Variants in LSAMP observed in about 807,000 individuals in gnomAD.
The protein encoded by LSAMP is limbic system associated membrane protein, also known as limbic system-associated membrane protein.
LSAMP carries 7 observed loss-of-function variants against 38.6 expected under a neutral mutation model. The ratio of observed to expected loss-of-function variants is 0.18; its 90% confidence interval spans 0.10 to 0.34. The LOEUF (loss-of-function observed/expected upper bound fraction) is 0.34, where lower values mean the gene tolerates loss of function less well. LSAMP is among the 10% of genes least tolerant of loss of function. The pLI is 1.00. For missense variants in LSAMP, 313 were observed against 420.0 expected (o/e 0.75, Z 2.23); for synonymous variants, 154 against 166.8 (o/e 0.92, Z 0.59).
chr3:116,323,797 C>A (rs80179573), intron 1 of LSAMP, among the ~76,000 whole-genome samples: 3,178 of 152,202 alleles, frequency 0.021, 99 homozygotes, highest in African/African-American at 0.072. Flanking sequence ...TTTCTGAGCA[C>A]AGACACCACT....
rs2046963068 is a variant in LSAMP at position 116,270,900 on chromosome 3, T to C, written c.155+173977A>G. 2.0e-5 allele frequency among the ~76,000 whole-genome samples: 3 copies of C among 152,162 alleles called. No homozygotes were observed. The South Asian group carries it at 6.2e-4, about 31-fold the overall frequency. ...ATGCAGTTCAGGCTGTGTTAGTCAC[T>C]AGCTCTGAGATCTCAACAAAGCTTG... On this transcript the variant is annotated intron_variant, in intron 1 of 6. Coordinates refer to ENST00000490035, the MANE Select transcript of LSAMP (RefSeq NM_002338.5).
chr3:116,196,326 T>C (rs923521809), intron 1 of LSAMP, among the ~76,000 whole-genome samples: 1 of 152,154 alleles, frequency 6.6e-6, no homozygotes. Flanking sequence ...GATGATAAGA[T>C]TAATTATTTT....
chr3:116,118,325 C>CA (rs771344491), intron 1 of LSAMP, among the ~76,000 whole-genome samples: 9 of 152,090 alleles, frequency 5.9e-5, no homozygotes, highest in Non-Finnish European at 8.8e-5. Context: ...CCCCTATTTC[C>CA]AGTAGTATTT....
intron 3 of LSAMP, among the ~76,000 whole-genome samples, chr3:115,995,791 A>T (rs920474432): frequency 6.6e-6 from 1 of 152,094 alleles, no homozygotes; most frequent in African/African-American, 2.4e-5. Flanking sequence ...TATCCCCATG[A>T]TCAAATTTTC....
chr3:115,815,120 T>A (rs1469601153), intron 6 of LSAMP, among the ~76,000 whole-genome samples: 5 of 152,142 alleles, frequency 3.3e-5, no homozygotes, highest in African/African-American at 1.2e-4. Context: ...CTGAGGTACA[T>A]ACAGTACAAT....
chr3:116,273,895 G>A (rs944309242), intron 1 of LSAMP, among the ~76,000 whole-genome samples: 6 of 147,864 alleles, frequency 4.1e-5, no homozygotes, highest in South Asian at 2.2e-4. Context: ...CACCTTCCTA[G>A]CATGCATTGG....
In LSAMP at chr3:115,891,305, T is replaced by G. The variant is rs138823622; in HGVS notation, c.515-38688A>C. On this transcript the variant is annotated intron_variant, in intron 3 of 6. Coordinates refer to ENST00000490035, the MANE Select transcript of LSAMP (RefSeq NM_002338.5). ...GTACCCATCAAGATGCTGGTAAATG[T>G]GATATAAACAGAAGCTTAAAATGGG... 9.8e-3 allele frequency among the ~76,000 whole-genome samples: 1,485 copies of G among 152,104 alleles called. 75 individuals carry two copies. The highest frequency in any genetic ancestry group is 0.083 in the Admixed American group (1,273 of 15,250).
At chr3:116,391,592 G>GT (rs2048699383) in intron 1 of LSAMP, among the ~76,000 whole-genome samples, 1 of 151,998 alleles carries the variant, frequency 6.6e-6, no homozygotes, top group Non-Finnish European at 1.5e-5. Flanking sequence ...GGGCGCGGGG[G>GT]TGGCAAGGAG....
In LSAMP at chr3:116,413,902, C is replaced by CAAA. The variant is rs63646861; in HGVS notation, c.155+30972_155+30974dup. Among the ~76,000 whole-genome samples the CAAA allele has an allele frequency of 4.8e-3, 697 of 144,408 alleles. 4 individuals are homozygous for CAAA. The highest frequency in any genetic ancestry group is 0.026 in the East Asian group (127 of 4,932). 94.7% of individuals were successfully genotyped at this position (144,408 alleles called of 152,430 possible). Reference sequence around the variant, plus strand: ...CACCTGGTAGTCTCACAGAAAATTACAAAAAAAAAAACAAACCAAAAAAAC... The same window carrying CAAA: ...CACCTGGTAGTCTCACAGAAAATTACAAAAAAAAAAAAAACAAACCAAAAAAAC... On this transcript the variant is annotated intron_variant, in intron 1 of 6. Coordinates refer to ENST00000490035, the MANE Select transcript of LSAMP (RefSeq NM_002338.5).
intron 3 of LSAMP, among the ~76,000 whole-genome samples, chr3:115,894,809 C>A (rs1022313210): frequency 6.6e-6 from 1 of 152,072 alleles, no homozygotes; most frequent in African/African-American, 2.4e-5. Context: ...CCTCTTCCCA[C>A]TGCTAGCTTG....
intron 1 of LSAMP, among the ~76,000 whole-genome samples, chr3:116,406,986 C>T (rs558198530): frequency 1.3e-5 from 2 of 152,042 alleles, no homozygotes; most frequent in African/African-American, 4.8e-5. Flanking sequence ...CTTAAGCCAC[C>T]TGTCTTTGAT....
chr3:116,004,543 C>T (rs1016310856), intron 3 of LSAMP, among the ~76,000 whole-genome samples: 2 of 149,332 alleles, frequency 1.3e-5, no homozygotes, highest in African/African-American at 4.9e-5. Flanking sequence ...TATACACACA[C>T]ACACGTAGGT....
intron 1 of LSAMP, among the ~76,000 whole-genome samples, chr3:116,275,573 G>A (rs897788825): frequency 6.6e-5 from 10 of 151,128 alleles, no homozygotes; most frequent in East Asian, 3.9e-4. Context: ...TGCATTTTCC[G>A]TTTTTTTTTA....
intron 1 of LSAMP, among the ~76,000 whole-genome samples, chr3:116,218,610 C>T (rs190848318): frequency 2.0e-4 from 30 of 152,254 alleles, no homozygotes; most frequent in East Asian, 1.9e-3. Context: ...AGGTGTTTCT[C>T]TACTAAATGG....
intron 1 of LSAMP, among the ~76,000 whole-genome samples, chr3:116,248,132 C>T (rs751276954): frequency 5.9e-5 from 9 of 152,148 alleles, no homozygotes; most frequent in Non-Finnish European, 1.0e-4. Context: ...CAGATAAATG[C>T]CCTATTTCTA....
At chr3:115,976,873 G>T (rs141070000) in intron 3 of LSAMP, among the ~76,000 whole-genome samples, 2 of 152,124 alleles carry the variant, frequency 1.3e-5, no homozygotes, top group East Asian at 3.9e-4. Context: ...CACAGCCTGT[G>T]GTACTGTGAG....
At chr3:116,124,983 G>A (rs1378308754) in intron 1 of LSAMP, among the ~76,000 whole-genome samples, 2 of 152,252 alleles carry the variant, frequency 1.3e-5, no homozygotes, top group East Asian at 3.9e-4. Flanking sequence ...TCGAGATCTT[G>A]GGTTTTGGAA....
chr3:116,317,448 T>TG (rs901145096), intron 1 of LSAMP, among the ~76,000 whole-genome samples: 3 of 151,224 alleles, frequency 2.0e-5, no homozygotes, highest in African/African-American at 7.3e-5. Context: ...CTCCACCTCC[T>TG]GGGTTCACGC....
intron 1 of LSAMP, among the ~76,000 whole-genome samples, chr3:116,315,291 T>C (rs563761814): frequency 6.6e-6 from 1 of 152,310 alleles, no homozygotes; most frequent in East Asian, 1.9e-4. Flanking sequence ...TCAGATGCAA[T>C]AGGGGTCCAG....
Sources: gnomAD v4.1 joint callset for allele counts (sites outside exome capture counted in the v4.1 genomes callset) on GRCh38, gnomAD v4.1.1 for gene constraint, MANE v1.5 for transcripts, NCBI Gene and HGNC (gene_info 2026-07-23, HGNC 2026-07-21) for gene names.